Variants in WDR44 observed in about 807,000 individuals in gnomAD.
WDR44 encodes WD repeat-containing protein 44.
A neutral mutation model predicts 65.7 loss-of-function variants in WDR44; 9 were observed. The ratio of observed to expected loss-of-function variants is 0.14; its 90% CI spans 0.08 to 0.24. The LOEUF is 0.24. Ranked by LOEUF, WDR44 falls within the 10% of genes least tolerant of loss-of-function variation. The pLI is 1.00. For missense variants in WDR44, 425 were observed against 670.9 expected (o/e 0.63, Z 4.05); for synonymous variants, 220 against 235.2 (o/e 0.94, Z 0.59).
intron 1 of WDR44, among the ~76,000 whole-genome samples, chrX:118,373,446 T>G (rs1490027465): frequency 9.0e-6 from 1 of 111,610 alleles, no homozygotes. Flanking sequence ...AAGCTTCATC[T>G]CTCTGGAAAT....
intron 2 of WDR44, among the ~76,000 whole-genome samples, chrX:118,384,808 G>A (rs2056751625): frequency 8.9e-6 from 1 of 111,822 alleles, no homozygotes; most frequent in African/African-American, 3.3e-5. Context: ...TCCTATCCAT[G>A]AGCTTGGAAT....
intron 1 of WDR44, among the ~76,000 whole-genome samples, chrX:118,364,590 G>A (rs776031128): frequency 2.4e-4 from 27 of 112,328 alleles, no homozygotes; most frequent in African/African-American, 8.7e-4. Context: ...CTGGCACATG[G>A]TAGATAACCA....
chrX:118,382,912 A>G (rs1417354162), intron 2 of WDR44, among the ~76,000 whole-genome samples: 2 of 112,022 alleles, frequency 1.8e-5, no homozygotes, highest in African/African-American at 3.2e-5. Flanking sequence ...CATCACCAGA[A>G]GTAGGTAATG....
chrX:118,346,108 T>C lies in WDR44; in HGVS notation c.-396T>C, dbSNP rs975064622. 1.7e-5 allele frequency: 5 copies of C among 298,198 alleles called. No individual in the cohort carries two copies. Among genetic ancestry groups the C allele is most frequent in the African/African-American group, 5.5e-5 (2 of 36,347 alleles). The allele number at this position is 298,198 out of a possible 1,213,427, so 24.6% of individuals were successfully genotyped here. A position where few individuals can be genotyped will look rare whatever the true frequency, so the allele number is the denominator to read the frequency against. ...TCTCGCGAGGGTAGGTGCGCGTCGG[T>C]ATTTTGCGGGCAACTAGCTCTTCCA... is the stretch of plus-strand genomic sequence containing the variant. On this transcript the variant is annotated 5_prime_UTR_variant, in exon 1 of 20. Transcript: ENST00000254029.
chrX:118,430,387 C>T (rs150312100), intron 12 of WDR44, among the ~76,000 whole-genome samples: 1,367 of 99,807 alleles, frequency 0.014, 16 homozygotes, highest in Non-Finnish European at 0.021. Context: ...ACCAAAAATA[C>T]AAAAATTAGC....
chrX:118,385,324 TAAA>T (rs1241203908), intron 2 of WDR44, among the ~76,000 whole-genome samples: 3 of 111,958 alleles, frequency 2.7e-5, no homozygotes, highest in Non-Finnish European at 5.6e-5. Flanking sequence ...TATGCAGCCA[TAAA>T]AAAGAACGAG....
rs180872558 is a variant in WDR44 at position 118,449,040 on chromosome X, A to T, written c.*53A>T. On this transcript the variant is annotated 3_prime_UTR_variant, in exon 20 of 20. Transcript: ENST00000254029. ...TCAGTAAGTTTCTATATGTATCAAA[A>T]CTGAAAAAATAGTGTTCCAGGCTAA... 1,781 of 812,294 alleles carry T rather than the reference A, an allele frequency of 2.2e-3. No individual in the cohort carries two copies. The highest frequency in any genetic ancestry group is 2.7e-3 in the Non-Finnish European group (1,541 of 571,345). 66.9% of individuals were successfully genotyped at this position (812,294 alleles called of 1,213,427 possible).
intron 12 of WDR44, among the ~76,000 whole-genome samples, chrX:118,415,237 C>A (rs958133996): frequency 2.7e-5 from 3 of 111,767 alleles, no homozygotes. Flanking sequence ...CCCACTTGAA[C>A]TGGGTGGATT....
At chrX:118,424,307 A>ATG (rs1225033891) in intron 12 of WDR44, among the ~76,000 whole-genome samples, 834 of 74,171 alleles carry the variant, frequency 0.011, 19 homozygotes, top group African/African-American at 0.075. Flanking sequence ...GTGTATATAT[A>ATG]TATATGTGTG....
intron 12 of WDR44, among the ~76,000 whole-genome samples, chrX:118,423,762 G>T (rs186142697): frequency 9.0e-6 from 1 of 111,490 alleles, no homozygotes; most frequent in Non-Finnish European, 1.9e-5. Flanking sequence ...CACCTGTTTC[G>T]CCAGCCCCAA....
intron 1 of WDR44, among the ~76,000 whole-genome samples, chrX:118,349,774 T>TC (rs2147655524): frequency 9.0e-6 from 1 of 110,959 alleles, no homozygotes; most frequent in South Asian, 3.8e-4. Context: ...GGTCTTGAAC[T>TC]CCTAACCTCA....
At chrX:118,355,955 C>A (rs1227108998) in intron 1 of WDR44, among the ~76,000 whole-genome samples, 1 of 111,621 alleles carries the variant, frequency 9.0e-6, no homozygotes, top group Admixed American at 9.5e-5. Flanking sequence ...ACAGTAAAAC[C>A]TTGGGTGGTG....
chrX:118,362,231 C>T (rs191949637), intron 1 of WDR44, among the ~76,000 whole-genome samples: 10 of 112,288 alleles, frequency 8.9e-5, no homozygotes, highest in Admixed American at 6.6e-4. Context: ...ATTTCTACTA[C>T]GCTTTTTGTA....
At chrX:118,424,221 T>C (rs960120080) in intron 12 of WDR44, among the ~76,000 whole-genome samples, 30 of 103,718 alleles carry the variant, frequency 2.9e-4, no homozygotes, top group African/African-American at 1.0e-3. Context: ...CCATCGACTG[T>C]ACAGGGTTCC....
chrX:118,380,508 C>T lies in WDR44; in HGVS notation c.111+2056C>T, dbSNP rs1345711835. On this transcript the variant is annotated intron_variant, in intron 2 of 19. Coordinates refer to ENST00000254029, the MANE Select transcript of WDR44 (RefSeq NM_019045.5). ...CTTATGGGATTGGTTGAAAGGGTCA[C>T]GATCCATCCAAGTTGTTGTCTGTAT... Among the ~76,000 whole-genome samples, 4 of 111,816 alleles carry T rather than the reference C, an allele frequency of 3.6e-5. No individual in the cohort carries two copies. In the East Asian group the frequency reaches 1.1e-3, roughly 31 times the overall value.
intron 13 of WDR44, among the ~76,000 whole-genome samples, chrX:118,436,017 A>C (rs1305152695): frequency 8.9e-6 from 1 of 111,969 alleles, no homozygotes; most frequent in African/African-American, 3.2e-5. Context: ...CTCCTTAAAT[A>C]GATTATGTTG....
chrX:118,396,210 C>T lies in WDR44; in HGVS notation c.1054-760C>T, dbSNP rs759600565. ...TAGTTGATGTTTCTTTAAAACAATA[C>T]ATTTCTTAAAATATTGCACTTTGGA... On this transcript the variant is annotated intron_variant, in intron 6 of 19. Coordinates refer to ENST00000254029, the MANE Select transcript of WDR44 (RefSeq NM_019045.5). 3.6e-3 allele frequency among the ~76,000 whole-genome samples: 404 copies of T among 111,623 alleles called. 2 individuals are homozygous for T. Among genetic ancestry groups the T allele is most frequent in the African/African-American group, 0.013 (388 of 30,790 alleles).
At chrX:118,394,277 G>A (rs2056847114) in intron 5 of WDR44, 92 bp downstream of exon 5, 1 of 1,132,426 alleles carries the variant, frequency 8.8e-7, no homozygotes, top group Non-Finnish European at 1.2e-6. Flanking sequence ...CTCCAGGCCA[G>A]ATTTTTCTTT....
At chrX:118,359,451 G>C (rs1309072052) in intron 1 of WDR44, among the ~76,000 whole-genome samples, 1 of 112,140 alleles carries the variant, frequency 8.9e-6, no homozygotes, top group Non-Finnish European at 1.9e-5. Flanking sequence ...GTTTATGTCA[G>C]TAAATACATT....
Sources: allele counts gnomAD v4.1 joint callset (sites outside exome capture counted in the v4.1 genomes callset), GRCh38; gene constraint gnomAD v4.1.1; transcripts MANE v1.5; gene names NCBI Gene and HGNC (gene_info 2026-07-23, HGNC 2026-07-21).